Variants in HS6ST3 observed in about 807,000 individuals in gnomAD.
HS6ST3 encodes heparan-sulfate 6-O-sulfotransferase 3.
A neutral mutation model predicts 36.7 loss-of-function variants in HS6ST3; 12 were observed. The ratio of observed to expected loss-of-function variants is 0.33; its 90% CI spans 0.21 to 0.53. The LOEUF (loss-of-function observed/expected upper bound fraction) is 0.53. Ranked by LOEUF, HS6ST3 falls within the 20% of genes least tolerant of loss-of-function variation. The pLI, the probability that HS6ST3 is intolerant of heterozygous loss-of-function variation, is 0.95. For synonymous variants in HS6ST3, 240 were observed against 257.5 expected, an observed-to-expected ratio of 0.93 and a Z score of 0.65; for missense variants, 584 against 640.9, an observed-to-expected ratio of 0.91 and a Z score of 0.96.
intron 1 of HS6ST3, among the ~76,000 whole-genome samples, chr13:96,671,184 C>A (rs1229793553): frequency 6.6e-6 from 1 of 152,150 alleles, no homozygotes; most frequent in Non-Finnish European, 1.5e-5. Context: ...TAGTTCTCCT[C>A]ATTGTTAGGA....
intron 1 of HS6ST3, among the ~76,000 whole-genome samples, chr13:96,696,355 A>G (rs1048268468): frequency 2.6e-4 from 39 of 152,190 alleles, no homozygotes; most frequent in African/African-American, 9.2e-4. Flanking sequence ...CTTTAATCTT[A>G]TCTACAAAAT....
intron 1 of HS6ST3, among the ~76,000 whole-genome samples, chr13:96,812,131 C>T (rs1566459791): frequency 6.6e-6 from 1 of 152,150 alleles, no homozygotes; most frequent in African/African-American, 2.4e-5. Flanking sequence ...GCCCCTTTTC[C>T]TCCATTGCCT....
At chr13:96,347,845 G>T (rs1331675050) in intron 1 of HS6ST3, among the ~76,000 whole-genome samples, 1 of 152,056 alleles carries the variant, frequency 6.6e-6, no homozygotes, top group East Asian at 1.9e-4. Context: ...ACTATAACTG[G>T]GCTGAGTACG....
chr13:96,232,080 GAA>G (rs1239754239), intron 1 of HS6ST3, among the ~76,000 whole-genome samples: 1 of 152,166 alleles, frequency 6.6e-6, no homozygotes, highest in South Asian at 2.1e-4. Context: ...ACCAGATCTG[GAA>G]AAGAGGTACA....
intron 1 of HS6ST3, among the ~76,000 whole-genome samples, chr13:96,641,953 T>A (rs564399878): frequency 6.6e-6 from 1 of 151,868 alleles, no homozygotes; most frequent in Non-Finnish European, 1.5e-5. Flanking sequence ...ATATCTTTTT[T>A]TAAATGTACC....
At chr13:96,334,032 C>T (rs935854899) in intron 1 of HS6ST3, among the ~76,000 whole-genome samples, 37 of 152,060 alleles carry the variant, frequency 2.4e-4, no homozygotes, top group Non-Finnish European at 1.5e-5. Context: ...AGGGTGGGTA[C>T]ACTGTGGCCC....
intron 1 of HS6ST3, among the ~76,000 whole-genome samples, chr13:96,534,236 G>A (rs1473021587): frequency 1.3e-5 from 2 of 152,292 alleles, no homozygotes; most frequent in Admixed American, 1.3e-4. Context: ...AAAGGAATGG[G>A]TGAGCAAATG....
At chr13:96,721,264 T>A (rs1004370280) in intron 1 of HS6ST3, among the ~76,000 whole-genome samples, 4 of 152,226 alleles carry the variant, frequency 2.6e-5, no homozygotes, top group Non-Finnish European at 5.9e-5. Context: ...ATCTACTTAA[T>A]GACCTCATAT....
chr13:96,352,019 T>C (rs1475296), intron 1 of HS6ST3, among the ~76,000 whole-genome samples: 57,151 of 152,014 alleles, frequency 0.38, 11,091 homozygotes, highest in African/African-American at 0.46. Context: ...ATTTAAAGTA[T>C]CTACTAATTT....
intron 1 of HS6ST3, among the ~76,000 whole-genome samples, chr13:96,141,558 C>A (rs1276475777): frequency 1.3e-5 from 2 of 151,956 alleles, no homozygotes; most frequent in African/African-American, 2.4e-5. Context: ...GAACTCCTGG[C>A]CTCAAGTGAT....
chr13:96,315,936 T>C (rs1325589685), intron 1 of HS6ST3, among the ~76,000 whole-genome samples: 1 of 152,226 alleles, frequency 6.6e-6, no homozygotes, highest in East Asian at 1.9e-4. Flanking sequence ...GACACCATTG[T>C]GCAGCAAGCC....
chr13:96,299,282 C>G (rs7982913), intron 1 of HS6ST3, among the ~76,000 whole-genome samples: 8,311 of 152,260 alleles, frequency 0.055, 283 homozygotes, highest in East Asian at 0.12. Flanking sequence ...GCACCTGTCT[C>G]ATTTACTGCT....
chr13:96,125,815 A>G (rs191056673), intron 1 of HS6ST3, among the ~76,000 whole-genome samples: 2,026 of 151,502 alleles, frequency 0.013, 11 homozygotes, highest in Non-Finnish European at 0.021. Flanking sequence ...GTTTTAGGGT[A>G]CATGTGCACA....
chr13:96,819,664 G>A (rs1364604277), intron 1 of HS6ST3, among the ~76,000 whole-genome samples: 4 of 152,106 alleles, frequency 2.6e-5, no homozygotes, highest in Non-Finnish European at 5.9e-5. Flanking sequence ...GAACCAACAC[G>A]TGTATTTAAA....
At chr13:96,722,487 C>T (rs996725139) in intron 1 of HS6ST3, among the ~76,000 whole-genome samples, 2 of 152,094 alleles carry the variant, frequency 1.3e-5, no homozygotes, top group Non-Finnish European at 2.9e-5. Flanking sequence ...AAACTTTCCC[C>T]CGGGGTCGTG....
intron 1 of HS6ST3, among the ~76,000 whole-genome samples, chr13:96,543,260 C>T (rs1212602522): frequency 6.6e-6 from 1 of 152,146 alleles, no homozygotes; most frequent in Non-Finnish European, 1.5e-5. Context: ...GTCATCCTCC[C>T]CCAGGTCTGA....
intron 1 of HS6ST3, among the ~76,000 whole-genome samples, chr13:96,170,283 A>T (rs1428031398): frequency 6.6e-6 from 1 of 152,238 alleles, no homozygotes; most frequent in African/African-American, 2.4e-5. Flanking sequence ...CTTACAGATA[A>T]GGACACCAGG....
At chr13:96,298,036 A>C (rs953809255) in intron 1 of HS6ST3, among the ~76,000 whole-genome samples, 1 of 152,172 alleles carries the variant, frequency 6.6e-6, no homozygotes, top group Non-Finnish European at 1.5e-5. Context: ...AAGAAAAAAA[A>C]CCTGTTGTTT....
intron 1 of HS6ST3, among the ~76,000 whole-genome samples, chr13:96,153,552 T>C (rs2054097097): frequency 6.6e-6 from 1 of 152,196 alleles, no homozygotes; most frequent in Non-Finnish European, 1.5e-5. Context: ...GGTTAGAAGA[T>C]GTGGCCGTTG....
Sources: gnomAD v4.1 joint callset for allele counts (sites outside exome capture counted in the v4.1 genomes callset) on GRCh38, gnomAD v4.1.1 for gene constraint, MANE v1.5 for transcripts, NCBI Gene and HGNC (gene_info 2026-07-23, HGNC 2026-07-21) for gene names.